The following ADGRV1 variants were observed in gnomAD, a reference collection of about 807,000 sequenced individuals.
ADGRV1 encodes adhesion G protein-coupled receptor V1, also known as G-protein coupled receptor 98.
A neutral mutation model predicts 596.2 loss-of-function variants in ADGRV1; 359 were observed. The observed-to-expected ratio is 0.60, with a 90% CI of 0.55 to 0.66. The LOEUF is 0.66. Among genes scored for constraint, ADGRV1 ranks in the 30% least tolerant of loss-of-function variants. The probability of loss-of-function intolerance (pLI) is 0.00; values close to 1 mark genes in which losing one functional copy is unlikely to be tolerated. For synonymous variants in ADGRV1, 2,681 were observed against 2,679.2 expected (o/e 1.00, Z -0.02); for missense variants, 7,274 against 7,575.6 (o/e 0.96, Z 1.48).
chr5:91,012,661 C>T (rs1782820516), intron 85 of ADGRV1, among the ~76,000 whole-genome samples: 1 of 151,898 alleles, frequency 6.6e-6, no homozygotes, highest in South Asian at 2.1e-4. Flanking sequence ...CCTCTTGAGA[C>T]AGGGTCCATG....
intron 1 of ADGRV1, among the ~76,000 whole-genome samples, chr5:90,614,055 T>G (rs1234258223): frequency 1.3e-5 from 2 of 151,806 alleles, no homozygotes; most frequent in Admixed American, 6.6e-5. Context: ...AGCAGCACTT[T>G]CAGGAGACCA....
intron 87 of ADGRV1, among the ~76,000 whole-genome samples, chr5:91,138,013 C>T (rs1794784644): frequency 6.6e-6 from 1 of 152,130 alleles, no homozygotes; most frequent in African/African-American, 2.4e-5. Context: ...ACTAGTTTGC[C>T]ATATAATTCA....
intron 83 of ADGRV1, among the ~76,000 whole-genome samples, chr5:90,895,848 A>G (rs1036799304): frequency 6.6e-6 from 1 of 152,188 alleles, no homozygotes; most frequent in Non-Finnish European, 1.5e-5. Context: ...GCTTGACTAT[A>G]CATCCAAAAG....
chr5:90,629,703 CTAAGGTA>C, intron 9 of ADGRV1, 164 bp downstream of exon 9: 3 of 562,712 alleles, frequency 5.3e-6, no homozygotes. Flanking sequence ...ATGCCTGCTC[CTAAGGTA>C]TATAAGTATA....
chr5:90,701,070 T>G (rs1747848166), intron 34 of ADGRV1, among the ~76,000 whole-genome samples: 1 of 152,116 alleles, frequency 6.6e-6, no homozygotes, highest in Non-Finnish European at 1.5e-5. Context: ...GCTTTAGAGT[T>G]GAAATATGTC....
intron 1 of ADGRV1, among the ~76,000 whole-genome samples, chr5:90,592,448 T>C (rs909715763): frequency 1.3e-5 from 2 of 152,122 alleles, no homozygotes; most frequent in Non-Finnish European, 2.9e-5. Flanking sequence ...CAATGGATTT[T>C]GGAAAGGGTG....
intron 67 of ADGRV1, among the ~76,000 whole-genome samples, chr5:90,785,967 C>T (rs576391189): frequency 4.6e-5 from 7 of 152,290 alleles, no homozygotes; most frequent in African/African-American, 1.7e-4. Context: ...TTTATTGCGG[C>T]ACTGTTGACA....
At chr5:90,787,931 A>G (rs1759648381) in intron 67 of ADGRV1, 140 bp from the exon 68 acceptor site, 1 of 578,570 alleles carries the variant, frequency 1.7e-6, no homozygotes, top group Non-Finnish European at 2.8e-6. Flanking sequence ...CAAGTTTATG[A>G]AACAGGAATT....
intron 83 of ADGRV1, among the ~76,000 whole-genome samples, chr5:90,945,302 G>T (rs903346296): frequency 1.3e-5 from 2 of 151,792 alleles, no homozygotes; most frequent in African/African-American, 4.8e-5. Context: ...TCAATAACGA[G>T]AGAGGAAGAC....
intron 70 of ADGRV1, among the ~76,000 whole-genome samples, chr5:90,802,473 C>T (rs1331567398): frequency 3.3e-5 from 5 of 152,118 alleles, no homozygotes; most frequent in African/African-American, 1.2e-4. Flanking sequence ...TCAAGTGATC[C>T]ACCCGCCTGG....
chr5:91,080,122 T>C (rs929970798), intron 86 of ADGRV1, among the ~76,000 whole-genome samples: 4 of 152,184 alleles, frequency 2.6e-5, no homozygotes, highest in Non-Finnish European at 2.9e-5. Flanking sequence ...ACATAGAATG[T>C]GTAATGATCA....
intron 76 of ADGRV1, among the ~76,000 whole-genome samples, chr5:90,827,206 C>T (rs180936785): frequency 1.8e-4 from 27 of 152,210 alleles, no homozygotes; most frequent in African/African-American, 6.5e-4. Flanking sequence ...CTGACCTAAC[C>T]AGGAAAAGAA....
At chr5:91,001,905 A>G (rs534737131) in intron 85 of ADGRV1, among the ~76,000 whole-genome samples, 8 of 152,210 alleles carry the variant, frequency 5.3e-5, no homozygotes, top group African/African-American at 9.6e-5. Context: ...TGCTAATTCA[A>G]TTGCAAGCTG....
At chr5:91,071,901 T>C (rs1160117781) in intron 85 of ADGRV1, among the ~76,000 whole-genome samples, 2 of 152,150 alleles carry the variant, frequency 1.3e-5, no homozygotes, top group Non-Finnish European at 2.9e-5. Context: ...AGTCTCGAAC[T>C]CCTGATCTCA....
chr5:90,941,539 A>G (rs1321886627), intron 83 of ADGRV1, among the ~76,000 whole-genome samples: 3 of 152,176 alleles, frequency 2.0e-5, no homozygotes, highest in African/African-American at 4.8e-5. Context: ...ATCCAAAACT[A>G]TTTAAAACCT....
intron 17 of ADGRV1, among the ~76,000 whole-genome samples, chr5:90,650,203 C>T (rs1245767744): frequency 6.6e-6 from 1 of 152,170 alleles, no homozygotes; most frequent in Non-Finnish European, 1.5e-5. Context: ...TCATTTAGAG[C>T]ATATGCTCTG....
chr5:91,129,245 A>G (rs1294119742), intron 87 of ADGRV1, among the ~76,000 whole-genome samples: 2 of 151,494 alleles, frequency 1.3e-5, no homozygotes, highest in Admixed American at 1.3e-4. Flanking sequence ...AGCAAAAATC[A>G]TTATTAAACA....
chr5:90,797,172 C>G (rs1221683391), intron 70 of ADGRV1, among the ~76,000 whole-genome samples: 1 of 151,304 alleles, frequency 6.6e-6, no homozygotes, highest in Non-Finnish European at 1.5e-5. Context: ...AAGACACAGA[C>G]TGCCAAATTG....
At chr5:90,649,478 A>G (rs1017465308) in intron 17 of ADGRV1, among the ~76,000 whole-genome samples, 5 of 151,924 alleles carry the variant, frequency 3.3e-5, no homozygotes, top group African/African-American at 1.2e-4. Context: ...TGTAAAGAGT[A>G]GGGGAACTGA....
Sources: gnomAD v4.1 joint callset for allele counts (sites outside exome capture counted in the v4.1 genomes callset) on GRCh38, gnomAD v4.1.1 for gene constraint, MANE v1.5 for transcripts, NCBI Gene and HGNC (gene_info 2026-07-23, HGNC 2026-07-21) for gene names.